Variants in RALA observed in about 807,000 individuals in gnomAD.
RALA encodes ras-related protein Ral-A.
A neutral mutation model predicts 24.0 loss-of-function variants in RALA; 5 were observed. The observed-to-expected ratio is 0.21, with a 90% CI of 0.11 to 0.44. The LOEUF (loss-of-function observed/expected upper bound fraction) is 0.44, where lower values mean the gene tolerates loss of function less well. Ranked by LOEUF, RALA falls within the 20% of genes least tolerant of loss-of-function variation. RALA has a pLI of 0.99. For missense variants in RALA, 95 were observed against 241.2 expected (o/e 0.39, Z 4.01); for synonymous variants, 77 against 83.8 (o/e 0.92, Z 0.44).
intron 1 of RALA, among the ~76,000 whole-genome samples, chr7:39,644,931 T>C (rs917817841): frequency 2.6e-5 from 4 of 152,228 alleles, no homozygotes; most frequent in Non-Finnish European, 5.9e-5. Context: ...AAAAGTTTTG[T>C]TGTGCAGTAT....
intron 1 of RALA, among the ~76,000 whole-genome samples, chr7:39,650,852 C>A (rs1417991230): frequency 6.6e-6 from 1 of 152,206 alleles, no homozygotes; most frequent in Admixed American, 6.5e-5. Context: ...TTGGCTGGGT[C>A]TAGAGAGTCG....
chr7:39,661,242 C>G (rs1792183259), intron 1 of RALA, among the ~76,000 whole-genome samples: 1 of 152,174 alleles, frequency 6.6e-6, no homozygotes, highest in Non-Finnish European at 1.5e-5. Flanking sequence ...TGGGTGGGTA[C>G]ACAACCAAAC....
intron 1 of RALA, among the ~76,000 whole-genome samples, chr7:39,662,160 G>C (rs1395925857): frequency 6.6e-6 from 1 of 152,104 alleles, no homozygotes; most frequent in African/African-American, 2.4e-5. Context: ...CCCAGCTTTT[G>C]AAACCATTTT....
intron 1 of RALA, among the ~76,000 whole-genome samples, chr7:39,657,878 T>C (rs1792122474): frequency 1.3e-5 from 2 of 152,268 alleles, no homozygotes; most frequent in African/African-American, 2.4e-5. Context: ...ATGATAGTTT[T>C]AAAAGACTGG....
intron 1 of RALA, among the ~76,000 whole-genome samples, chr7:39,641,628 C>G (rs1342809002): frequency 6.6e-6 from 1 of 152,086 alleles, no homozygotes; most frequent in Non-Finnish European, 1.5e-5. Flanking sequence ...CTGTCAGTGT[C>G]CATATGTTAT....
intron 2 of RALA, among the ~76,000 whole-genome samples, chr7:39,687,584 A>G (rs1792730491): frequency 6.6e-6 from 1 of 152,228 alleles, no homozygotes; most frequent in South Asian, 2.1e-4. Context: ...ATCAGACTTC[A>G]TCATCCCTGA....
chr7:39,666,849 C>T (rs954898507), intron 1 of RALA, among the ~76,000 whole-genome samples: 4 of 152,160 alleles, frequency 2.6e-5, no homozygotes, highest in Non-Finnish European at 5.9e-5. Context: ...CTTTACATTC[C>T]TGGTTTGTAA....
Position 39,661,055 on chromosome 7 carries a change from G to A in RALA, c.-37-25576G>A, listed in dbSNP as rs570610712. On this transcript the variant is annotated intron_variant, in intron 1 of 4. Transcript: ENST00000005257. ...GCATGTCTTACATGGTGGCAGACAAGAGAATGAGAGAGCCGAGCTAAAAGG... is the reference window on the plus strand; with the variant it reads ...GCATGTCTTACATGGTGGCAGACAAAAGAATGAGAGAGCCGAGCTAAAAGG... Among the ~76,000 whole-genome samples the A allele has an allele frequency of 4.7e-4, 72 of 152,252 alleles. 1 individual carries two copies. The highest frequency in any genetic ancestry group is 9.0e-4 in the Non-Finnish European group (61 of 68,014).
At chr7:39,659,997 A>G (rs1018320117) in intron 1 of RALA, among the ~76,000 whole-genome samples, 5 of 152,100 alleles carry the variant, frequency 3.3e-5, no homozygotes, top group Non-Finnish European at 7.4e-5. Flanking sequence ...TGTGGCTGGG[A>G]GTCTGAATCT....
chr7:39,671,956 T>C (rs890590332), intron 1 of RALA, among the ~76,000 whole-genome samples: 2 of 152,178 alleles, frequency 1.3e-5, no homozygotes, highest in African/African-American at 4.8e-5. Context: ...ATAACTAATG[T>C]CATTTTTTTG....
chr7:39,681,422 G>T (rs752145616), intron 1 of RALA, among the ~76,000 whole-genome samples: 43 of 142,018 alleles, frequency 3.0e-4, no homozygotes, highest in African/African-American at 1.1e-3. Context: ...GGGTTCAGGC[G>T]ATTCTCATGC....
intron 1 of RALA, among the ~76,000 whole-genome samples, chr7:39,661,818 G>A (rs951141692): frequency 2.0e-5 from 3 of 152,238 alleles, no homozygotes; most frequent in African/African-American, 7.2e-5. Context: ...CAGTGTCCCA[G>A]TGGGGACTTT....
chr7:39,686,855 T>C lies in RALA; in HGVS notation c.114+74T>C. 5 of 1,136,856 alleles carry C rather than the reference T, an allele frequency of 4.4e-6. No homozygotes were observed. The Admixed American group carries it at 7.9e-5, about 18-fold the overall frequency. The allele number at this position is 1,136,856 out of a possible 1,614,324, so 70.4% of individuals were successfully genotyped here. ...TTTCCCTAGCTTAGTTTTGGTGCTA[T>C]TTTGTATGGATTGTTTGAATCCTTG... is the stretch of plus-strand genomic sequence containing the variant. On this transcript the variant is annotated intron_variant, in intron 2 of 4. Coordinates refer to ENST00000005257, the MANE Select transcript of RALA (RefSeq NM_005402.4).
Position 39,706,324 on chromosome 7 carries a change from A to T in RALA, c.*79A>T. The T allele has an allele frequency of 7.1e-7, 1 of 1,417,078 alleles. No individual in the cohort carries two copies. Among genetic ancestry groups the T allele is most frequent in the Non-Finnish European group, 9.5e-7 (1 of 1,050,502 alleles). The allele number at this position is 1,417,078 out of a possible 1,614,324, so 87.8% of individuals were successfully genotyped here. A position where few individuals can be genotyped will look rare whatever the true frequency, so the allele number is the denominator to read the frequency against. ...AGCATTGCCATTGAAGGCTTAATTG[A>T]CTGAAATTACTTTAACATTTTGGAA... On this transcript the variant is annotated 3_prime_UTR_variant, in exon 5 of 5. Coordinates refer to ENST00000005257, the MANE Select transcript of RALA (RefSeq NM_005402.4).
intron 4 of RALA, among the ~76,000 whole-genome samples, chr7:39,699,121 ATTTTTTTTTTTTTTTTTTTT>A (rs71560137): frequency 1.6e-5 from 1 of 61,372 alleles, no homozygotes; most frequent in Non-Finnish European, 3.4e-5. Flanking sequence ...TAAAAATGTT[ATTTTTTTTTTTTTTTTTTTT>A]TTTTTTTTTT....
At chr7:39,644,201 GT>G (rs372152552) in intron 1 of RALA, among the ~76,000 whole-genome samples, 2,616 of 141,454 alleles carry the variant, frequency 0.018, 50 homozygotes, top group African/African-American at 0.058. Flanking sequence ...AAATTCCTAT[GT>G]TTTTTTTTTT....
At chr7:39,655,945 G>A (rs1792089657) in intron 1 of RALA, among the ~76,000 whole-genome samples, 1 of 152,184 alleles carries the variant, frequency 6.6e-6, no homozygotes, top group Non-Finnish European at 1.5e-5. Context: ...TATGAGCAAT[G>A]TGGAGTCTCT....
At chr7:39,661,092 T>C (rs1251883120) in intron 1 of RALA, among the ~76,000 whole-genome samples, 1 of 152,100 alleles carries the variant, frequency 6.6e-6, no homozygotes, top group Non-Finnish European at 1.5e-5. Flanking sequence ...AAACTCCTTA[T>C]AAAACAATCA....
chr7:39,637,968 G>A (rs1791712590), intron 1 of RALA, among the ~76,000 whole-genome samples: 1 of 152,296 alleles, frequency 6.6e-6, no homozygotes, highest in South Asian at 2.1e-4. Context: ...GCATAATACT[G>A]TTGTAATACT....
Sources: gnomAD v4.1 joint callset for allele counts (sites outside exome capture counted in the v4.1 genomes callset) on GRCh38, gnomAD v4.1.1 for gene constraint, MANE v1.5 for transcripts, NCBI Gene and HGNC (gene_info 2026-07-23, HGNC 2026-07-21) for gene names.